The following PEAK1 variants were observed in gnomAD, a reference collection of about 807,000 sequenced individuals.
PEAK1 encodes inactive tyrosine-protein kinase PEAK1.
In PEAK1, 54 loss-of-function variants were observed where a neutral mutation model predicts 124.7. The observed-to-expected ratio is 0.43, with a 90% CI of 0.35 to 0.54. PEAK1 has a LOEUF of 0.54. PEAK1 is among the 20% of genes least tolerant of loss of function. The pLI is 0.01. For synonymous variants in PEAK1, 719 were observed against 760.0 expected (o/e 0.95, Z 0.89); for missense variants, 2,046 against 2,134.5 (o/e 0.96, Z 0.82).
chr15:77,359,846 C>T (rs1462841289), intron 2 of PEAK1, among the ~76,000 whole-genome samples: 2 of 152,074 alleles, frequency 1.3e-5, no homozygotes, highest in Admixed American at 6.5e-5. Context: ...GTAAAGTCCC[C>T]AAACTGATTT....
chr15:77,347,106 G>T, intron 2 of PEAK1: 4 of 626,770 alleles, frequency 6.4e-6, no homozygotes, highest in Non-Finnish European at 8.0e-6. Flanking sequence ...TAGAAGACTT[G>T]CAAGTTGGAA....
intron 2 of PEAK1, chr15:77,352,323 T>G (rs564713776): frequency 1.0e-6 from 1 of 985,332 alleles, no homozygotes; most frequent in African/African-American, 1.7e-5. Flanking sequence ...CGAAGTGCCT[T>G]ACTCGATCTA....
At chr15:77,141,706 G>A (rs2053801857) in intron 8 of PEAK1, among the ~76,000 whole-genome samples, 2 of 152,286 alleles carry the variant, frequency 1.3e-5, no homozygotes, top group Non-Finnish European at 2.9e-5. Flanking sequence ...ATATTTGAGA[G>A]CGCAGAAGTG....
intron 5 of PEAK1, among the ~76,000 whole-genome samples, chr15:77,267,006 G>C (rs931252957): frequency 3.3e-5 from 5 of 152,122 alleles, no homozygotes; most frequent in African/African-American, 1.2e-4. Context: ...CAGGGGCACA[G>C]TGGGAGTGGG....
At position 77,178,984 on chromosome 15, in the gene PEAK1, G is replaced by A; in HGVS notation, c.2943C>T (p.Ser981=). ...HHWFTEAKGE[S]SEKPAIVFMY... ...TGAAGACAATGGCTGGTTTCTCACT[G>A]GACTCTCCTTTCGCCTCTGTGAACC... Residue 981 remains serine (S), a synonymous_variant, in exon 7 of 10, where the codon TCC becomes TCT. Coordinates refer to ENST00000682557, the MANE Select transcript of PEAK1 (RefSeq NM_001385026.1). 1 of 1,614,026 alleles carries A rather than the reference G, an allele frequency of 6.2e-7. No homozygotes were observed. Among genetic ancestry groups the A allele is most frequent in the Non-Finnish European group, 8.5e-7 (1 of 1,179,998 alleles).
In PEAK1 at chr15:77,180,753, TA is replaced by T; in HGVS notation, c.1173del (p.Ser392ValfsTer16). On this transcript the variant is annotated frameshift_variant, in exon 7 of 10. Transcript: ENST00000682557. LOFTEE classifies it high-confidence loss of function. ...GATGAATCTTTATCCTGATTATTAC[TA>T]GAGGGACTTTCATAATTGGGCTCAA... ...KEIEPNYESP[S>X]SNNQDKDSSQ... 6.2e-7 allele frequency: 1 copy of T among 1,614,134 alleles called. No individual in the cohort carries two copies. The highest frequency in any genetic ancestry group is 8.5e-7 in the Non-Finnish European group (1 of 1,180,010).
At chr15:77,274,691 A>C (rs997186065) in intron 5 of PEAK1, among the ~76,000 whole-genome samples, 2 of 152,146 alleles carry the variant, frequency 1.3e-5, no homozygotes, top group African/African-American at 4.8e-5. Context: ...GTCATGAAAA[A>C]AGGAACACTT....
At chr15:77,263,199 G>C (rs1443208173) in intron 5 of PEAK1, among the ~76,000 whole-genome samples, 1 of 151,998 alleles carries the variant, frequency 6.6e-6, no homozygotes, top group African/African-American at 2.4e-5. Flanking sequence ...AAGAACTAGA[G>C]AAGCAAGAGG....
intron 6 of PEAK1, among the ~76,000 whole-genome samples, chr15:77,249,970 C>T (rs2060766834): frequency 6.6e-6 from 1 of 151,000 alleles, no homozygotes; most frequent in Admixed American, 6.6e-5. Flanking sequence ...CTTTCTTCAA[C>T]AAAAAAAATT....
At chr15:77,367,303 C>T (rs978591308) in intron 1 of PEAK1, among the ~76,000 whole-genome samples, 2 of 152,012 alleles carry the variant, frequency 1.3e-5, no homozygotes, top group African/African-American at 2.4e-5. Context: ...TTCATGTATA[C>T]GATTCAAGAA....
chr15:77,414,388 T>C (rs1419490702), intron 1 of PEAK1, among the ~76,000 whole-genome samples: 3 of 150,322 alleles, frequency 2.0e-5, no homozygotes, highest in Non-Finnish European at 4.4e-5. Flanking sequence ...TTTTTGTATT[T>C]TTTTTTTTTT....
chr15:77,221,518 G>T (rs1028759720), intron 6 of PEAK1, among the ~76,000 whole-genome samples: 1 of 151,958 alleles, frequency 6.6e-6, no homozygotes, highest in Non-Finnish European at 1.5e-5. Flanking sequence ...AAGCCCAGGG[G>T]TACTGAGAGA....
chr15:77,315,631 A>C (rs2064823050), intron 2 of PEAK1, among the ~76,000 whole-genome samples: 1 of 148,610 alleles, frequency 6.7e-6, no homozygotes, highest in Non-Finnish European at 1.5e-5. Context: ...AAATAAAAAT[A>C]AAATAAAAAA....
At chr15:77,169,506 A>C (rs1431651275) in intron 7 of PEAK1, among the ~76,000 whole-genome samples, 1 of 152,230 alleles carries the variant, frequency 6.6e-6, no homozygotes. Context: ...CCAAGTGTTT[A>C]CCACCACAGC....
intron 6 of PEAK1, among the ~76,000 whole-genome samples, chr15:77,225,501 G>A (rs2059589659): frequency 6.6e-6 from 1 of 151,196 alleles, no homozygotes; most frequent in African/African-American, 2.4e-5. Flanking sequence ...GGTTAAAACT[G>A]TTTCCATCTA....
intron 2 of PEAK1, chr15:77,352,043 A>T: frequency 1.2e-6 from 1 of 861,452 alleles, no homozygotes; most frequent in Non-Finnish European, 1.4e-6. Context: ...TGACATAAGG[A>T]GACCCCATCT....
At position 77,265,561 on chromosome 15, in the gene PEAK1, A is replaced by G. The variant is rs1038942732; in HGVS notation, c.-274-13035T>C. Among the ~76,000 whole-genome samples, 14 of 152,336 alleles carry G rather than the reference A, an allele frequency of 9.2e-5. 1 individual carries two copies. The highest frequency in any genetic ancestry group is 2.0e-4 in the Admixed American group (3 of 15,296). On this transcript the variant is annotated intron_variant, in intron 5 of 9. Coordinates refer to ENST00000682557, the MANE Select transcript of PEAK1 (RefSeq NM_001385026.1). ...CAAATCCAAACTGCAATGAGATACC[A>G]TCTCACACCAGTTAGAATGGCGATC...
intron 5 of PEAK1, among the ~76,000 whole-genome samples, chr15:77,281,864 C>T (rs917383840): frequency 6.6e-6 from 1 of 152,126 alleles, no homozygotes; most frequent in African/African-American, 2.4e-5. Context: ...ACTGATCTTA[C>T]AAATGCAGGC....
chr15:77,135,736 C>A (rs765097655), intron 8 of PEAK1, among the ~76,000 whole-genome samples: 6 of 152,184 alleles, frequency 3.9e-5, no homozygotes, highest in Admixed American at 3.3e-4. Flanking sequence ...AGTTCCCCTG[C>A]ACACGTTCTC....
Sources: gnomAD v4.1 joint callset for allele counts (sites outside exome capture counted in the v4.1 genomes callset) on GRCh38, gnomAD v4.1.1 for gene constraint, MANE v1.5 for transcripts, NCBI Gene and HGNC (gene_info 2026-07-23, HGNC 2026-07-21) for gene names.